PTCD1: variants seen among roughly 807,000 people sequenced by gnomAD.
PTCD1 encodes the protein pentatricopeptide repeat domain 1.
Under a neutral mutation model 53.4 loss-of-function variants are expected in PTCD1, and 50 were observed. The ratio of observed to expected loss-of-function variants is 0.94; its 90% CI spans 0.75 to 1.19. The LOEUF (loss-of-function observed/expected upper bound fraction) is 1.19. Ranked by LOEUF, PTCD1 falls within the 50% of genes most tolerant of loss-of-function variation. PTCD1 has a pLI of 0.00. For missense variants in PTCD1, 918 were observed against 904.8 expected (o/e 1.01, Z -0.19); for synonymous variants, 413 against 394.8 (o/e 1.05, Z -0.55).
At chr7:99,432,737 C>T (rs1367031905) in intron 3 of PTCD1, among the ~76,000 whole-genome samples, 2 of 152,314 alleles carry the variant, frequency 1.3e-5, no homozygotes, top group East Asian at 1.9e-4. Context: ...TGACGAGAAA[C>T]GCCCACAGGT....
At chr7:99,424,006 C>T (rs771630977) in intron 6 of PTCD1, 49 bp from the exon 7 acceptor site, 1 of 1,592,488 alleles carries the variant, frequency 6.3e-7, no homozygotes, top group South Asian at 1.1e-5. Flanking sequence ...GCCATTGGGA[C>T]CCAGCAGCTC....
chr7:99,418,105 C>G lies in PTCD1; in HGVS notation c.*1862G>C, dbSNP rs200333308. 4.1e-6 allele frequency: 2 copies of G among 484,854 alleles called. No individual in the cohort carries two copies. Among genetic ancestry groups the G allele is most frequent in the South Asian group, 8.7e-5 (2 of 22,950 alleles). The allele number at this position is 484,854 out of a possible 1,614,324, so 30.0% of individuals were successfully genotyped here. On this transcript the variant is annotated 3_prime_UTR_variant, in exon 8 of 8. Coordinates refer to ENST00000292478, the MANE Select transcript of PTCD1 (RefSeq NM_015545.4). ...GCCTCATCCTCCTGAGTAGCTGGGA[C>G]TACAGGCATGCACCACCACGCCTGG...
chr7:99,429,059 G>C (rs752554359), intron 5 of PTCD1, 44 bp downstream of exon 5: 2 of 1,609,152 alleles, frequency 1.2e-6, no homozygotes, highest in Non-Finnish European at 1.7e-6. Context: ...TGCACCTCTG[G>C]CACCGGGGAA....
intron 7 of PTCD1, among the ~76,000 whole-genome samples, chr7:99,422,324 C>T (rs1245569009): frequency 1.3e-5 from 2 of 152,180 alleles, no homozygotes; most frequent in Non-Finnish European, 2.9e-5. Context: ...TACTTGTTTC[C>T]GCCCCATCCG....
rs1437996043 is a variant in PTCD1, at chr7:99,419,633, T to C, written c.*334A>G. ...ATCTCTCGAGCCCCACGTCTCTTCT[T>C]TCAGAGCATCGGCCTATGGAACCCG... is the stretch of plus-strand genomic sequence containing the variant. On this transcript the variant is annotated 3_prime_UTR_variant, in exon 8 of 8. Transcript: ENST00000292478. 1.3e-6 allele frequency: 1 copy of C among 788,236 alleles called. No homozygotes were observed. The highest frequency in any genetic ancestry group is 2.0e-6 in the Non-Finnish European group (1 of 504,680). The allele number at this position is 788,236 out of a possible 1,614,324, so 48.8% of individuals were successfully genotyped here.
Position 99,434,953 on chromosome 7 carries a change from G to A in PTCD1, c.290C>T (p.Ser97Phe). ...ESFGTLSDKY[S>F]SRRLFRKSAA... is the part of the protein sequence containing the mutation. ...GGATTTGCGGAATAGTCTCCGGGAG[G>A]AGTATTTGTCAGAGAGGGTCCCAAA... Residue 97 changes from serine to phenylalanine, a missense_variant, in exon 2 of 8, where the codon TCC becomes TTC. Transcript: ENST00000292478. 3.7e-6 allele frequency: 6 copies of A among 1,614,228 alleles called. No homozygotes were observed. The highest frequency in any genetic ancestry group is 5.1e-6 in the Non-Finnish European group (6 of 1,180,052).
rs1237970273 is a variant in PTCD1, at chr7:99,419,338, G to A, written c.*629C>T. ...GGAGGGTTGCCACATATGTGAGTGT[G>A]CAGGGGCGAGCGTGGCGCAGTGGCA... is the stretch of plus-strand genomic sequence containing the variant. On this transcript the variant is annotated 3_prime_UTR_variant, in exon 8 of 8. Coordinates refer to ENST00000292478, the MANE Select transcript of PTCD1 (RefSeq NM_015545.4). 16 of 1,601,616 alleles carry A rather than the reference G, an allele frequency of 1.0e-5. No individual in the cohort carries two copies. Among genetic ancestry groups the A allele is most frequent in the African/African-American group, 1.3e-5 (1 of 74,736 alleles).
In PTCD1 at chr7:99,417,902, G is replaced by T; in HGVS notation, c.*2065C>A. On this transcript the variant is annotated 3_prime_UTR_variant, in exon 8 of 8. Transcript: ENST00000292478. ...CAAGGTGGTGGCAGGGTGACATCAG[G>T]GAAGGACAACCAGTGAGTTCCTGTC... 1 of 1,324,206 alleles carries T rather than the reference G, an allele frequency of 7.6e-7. No individual in the cohort carries two copies. Among genetic ancestry groups the T allele is most frequent in the Non-Finnish European group, 9.7e-7 (1 of 1,028,908 alleles). The allele number at this position is 1,324,206 out of a possible 1,614,324, so 82.0% of individuals were successfully genotyped here. A position where few individuals can be genotyped will look rare whatever the true frequency, so the allele number is the denominator to read the frequency against.
chr7:99,419,617 G>A lies in PTCD1; in HGVS notation c.*350C>T. 2.4e-6 allele frequency: 2 copies of A among 829,452 alleles called. No homozygotes were observed. The highest frequency in any genetic ancestry group is 3.7e-6 in the Non-Finnish European group (2 of 540,360). 51.4% of individuals were successfully genotyped at this position (829,452 alleles called of 1,614,324 possible). On this transcript the variant is annotated 3_prime_UTR_variant, in exon 8 of 8. Coordinates refer to ENST00000292478, the MANE Select transcript of PTCD1 (RefSeq NM_015545.4). Reference sequence around the variant, plus strand: ...AAAATAAAATCTTTAAATCTCTCGAGCCCCACGTCTCTTCTTTCAGAGCAT... The same window carrying A: ...AAAATAAAATCTTTAAATCTCTCGAACCCCACGTCTCTTCTTTCAGAGCAT...
chr7:99,428,402 C>CAA (rs531899998), intron 5 of PTCD1, among the ~76,000 whole-genome samples: 15 of 54,942 alleles, frequency 2.7e-4, no homozygotes, highest in Admixed American at 6.6e-4. Flanking sequence ...GACTCCATCT[C>CAA]AAAAAAAAAA....
intron 7 of PTCD1, among the ~76,000 whole-genome samples, chr7:99,422,235 C>T (rs957239201): frequency 6.6e-6 from 1 of 152,210 alleles, no homozygotes; most frequent in Admixed American, 6.5e-5. Flanking sequence ...GTAGGAAGCC[C>T]TCAAAATGGC....
chr7:99,424,840 C>T lies in PTCD1; in HGVS notation c.1692G>A (p.Gly564=), dbSNP rs1795956431. Residue 564 remains glycine (G), a synonymous_variant, in exon 6 of 8, where the codon GGG becomes GGA. Coordinates refer to ENST00000292478, the MANE Select transcript of PTCD1 (RefSeq NM_015545.4). The stretch of plus-strand genomic sequence containing the variant: ...GTAGACCGTCCTTCGGCCTGTGGCA[C>T]CCGATGGCCAGGTTGCAGAATGTCT... ...NLQTFCNLAI[G]CHRPKDGLQL... The T allele has an allele frequency of 6.2e-7, 1 of 1,614,266 alleles. No individual in the cohort carries two copies. The highest frequency in any genetic ancestry group is 1.3e-5 in the African/African-American group (1 of 75,070).
intron 1 of PTCD1, among the ~76,000 whole-genome samples, chr7:99,437,039 T>C (rs1796496745): frequency 6.6e-6 from 1 of 152,200 alleles, no homozygotes; most frequent in Non-Finnish European, 1.5e-5. Flanking sequence ...TAATTTTTTG[T>C]ATTTTTTTGT....
chr7:99,433,772 G>A (rs1033456143), intron 2 of PTCD1, among the ~76,000 whole-genome samples: 1 of 152,196 alleles, frequency 6.6e-6, no homozygotes, highest in Admixed American at 6.5e-5. Flanking sequence ...TCAGACATGA[G>A]GCCAGGCGCA....
At chr7:99,433,159 ACT>A in intron 3 of PTCD1, 117 bp downstream of exon 3, 1 of 1,493,700 alleles carries the variant, frequency 6.7e-7, no homozygotes, top group South Asian at 1.1e-5. Context: ...TAAGGAGATG[ACT>A]CTGAGGCCAG....
At chr7:99,426,346 C>T (rs927768825) in intron 5 of PTCD1, among the ~76,000 whole-genome samples, 11 of 152,338 alleles carry the variant, frequency 7.2e-5, no homozygotes, top group South Asian at 4.1e-4. Flanking sequence ...CGCGCCACCA[C>T]GCCTGACTGG....
rs889061360 is a variant in PTCD1 at position 99,418,339 on chromosome 7, G to A, written c.*1628C>T. The A allele has an allele frequency of 5.1e-5, 8 of 156,236 alleles. No homozygotes were observed. Among genetic ancestry groups the A allele is most frequent in the Admixed American group, 4.3e-4 (7 of 16,318 alleles). 9.7% of individuals were successfully genotyped at this position (156,236 alleles called of 1,614,324 possible). A position where few individuals can be genotyped will look rare whatever the true frequency, so the allele number is the denominator to read the frequency against. On this transcript the variant is annotated 3_prime_UTR_variant, in exon 8 of 8. Transcript: ENST00000292478. ...GGCCAGGCGCCTCAGGAGTGGTGCT[G>A]AGGGACAGGAGCTGAGCTCCATCCG...
At position 99,425,299 on chromosome 7, in the gene PTCD1, T is replaced by G. The variant is rs199760755; in HGVS notation, c.1233A>C (p.Gln411His). The G allele has an allele frequency of 1.9e-6, 3 of 1,614,024 alleles. No homozygotes were observed. The African/African-American group carries it at 4.0e-5, about 22-fold the overall frequency. The change falls in exon 6 of 8, where the codon CAA (glutamine) becomes CAC (histidine). Residue 411 changes from glutamine to histidine, a missense_variant. Physicochemically the swap from Gln to His is conservative, Grantham distance 24. Coordinates refer to ENST00000292478, the MANE Select transcript of PTCD1 (RefSeq NM_015545.4). ...GCTCTGCCTTAGTATCCACCTCTGGTTGGGCCTTGCCGGGCACTCTGGCTT... is the reference window on the plus strand; with the variant it reads ...GCTCTGCCTTAGTATCCACCTCTGGGTGGGCCTTGCCGGGCACTCTGGCTT... The part of the protein sequence containing the change: ...PPEARVPGKA[Q>H]PEVDTKAEPS...
Position 99,419,918 on chromosome 7 carries a change from C to T in PTCD1, c.*49G>A, listed in dbSNP as rs1322092299. 4 of 1,612,194 alleles carry T rather than the reference C, an allele frequency of 2.5e-6. No homozygotes were observed. In the African/African-American group the frequency reaches 4.0e-5, roughly 16 times the overall value. ...TGACACCAGCTCACTTGTCCTGGGG[C>T]TCCCACAGAGCACTGGGGGCCGAGC... On this transcript the variant is annotated 3_prime_UTR_variant, in exon 8 of 8. Transcript: ENST00000292478.
Sources: allele counts gnomAD v4.1 joint callset (sites outside exome capture counted in the v4.1 genomes callset), GRCh38; gene constraint gnomAD v4.1.1; transcripts MANE v1.5; gene names NCBI Gene and HGNC (gene_info 2026-07-23, HGNC 2026-07-21).